The following TMTC2 variants were observed in gnomAD, a reference collection of about 807,000 sequenced individuals.
TMTC2 encodes the protein protein O-mannosyl-transferase TMTC2.
A neutral mutation model predicts 82.4 loss-of-function variants in TMTC2; 43 were observed. The ratio of observed to expected loss-of-function variants is 0.52; its 90% CI spans 0.41 to 0.67. The LOEUF (loss-of-function observed/expected upper bound fraction) is 0.67. Ranked by LOEUF, TMTC2 falls within the 30% of genes least tolerant of loss-of-function variation. TMTC2 has a pLI of 0.00. For synonymous variants in TMTC2, 408 were observed against 381.9 expected (o/e 1.07, Z -0.80); for missense variants, 919 against 1,012.4 (o/e 0.91, Z 1.25).
chr12:83,124,818 G>A lies in TMTC2; in HGVS notation c.2332-7392G>A, dbSNP rs148418522. On this transcript the variant is annotated intron_variant, in intron 11 of 11. Transcript: ENST00000321196. ...TCAAAACCTCTGAAACATGATTTGC[G>A]TTTTAGAAAGACAAATATTAGGTGG... Among the ~76,000 whole-genome samples, 49 of 152,134 alleles carry A rather than the reference G, an allele frequency of 3.2e-4. 2 individuals are homozygous for A. In the Middle Eastern group the frequency reaches 0.014, roughly 42 times the overall value.
At chr12:82,806,857 T>C (rs1056793189) in intron 1 of TMTC2, among the ~76,000 whole-genome samples, 1 of 151,962 alleles carries the variant, frequency 6.6e-6, no homozygotes, top group Non-Finnish European at 1.5e-5. Flanking sequence ...AGAAAATCTG[T>C]ATAAGTGGAT....
At chr12:82,730,234 G>A (rs1188053761) in intron 1 of TMTC2, among the ~76,000 whole-genome samples, 1 of 130,498 alleles carries the variant, frequency 7.7e-6, no homozygotes, top group Non-Finnish European at 1.5e-5. Context: ...GGCAGAGGTT[G>A]CAGTAAGCCA....
intron 1 of TMTC2, chr12:82,758,761 TA>T (rs1876466908): frequency 6.6e-6 from 1 of 152,206 alleles, no homozygotes; most frequent in Admixed American, 6.5e-5. Flanking sequence ...TAACAATAAT[TA>T]AAATCCTAAT....
intron 1 of TMTC2, among the ~76,000 whole-genome samples, chr12:82,796,467 C>G (rs183379358): frequency 1.3e-5 from 2 of 152,182 alleles, no homozygotes; most frequent in Non-Finnish European, 2.9e-5. Flanking sequence ...TATTTACAGT[C>G]TTTTACATGC....
chr12:83,092,041 G>A (rs1007020929), intron 11 of TMTC2, among the ~76,000 whole-genome samples: 4 of 152,166 alleles, frequency 2.6e-5, no homozygotes, highest in African/African-American at 9.7e-5. Context: ...AAGTACCAAT[G>A]TGTACATATC....
chr12:82,940,992 C>T (rs1015986937), intron 4 of TMTC2, among the ~76,000 whole-genome samples: 1 of 151,922 alleles, frequency 6.6e-6, no homozygotes, highest in East Asian at 1.9e-4. Context: ...TTTGTGATAC[C>T]ATGTCCTATA....
intron 2 of TMTC2, among the ~76,000 whole-genome samples, chr12:82,882,988 G>A (rs966094682): frequency 6.7e-6 from 1 of 150,342 alleles, no homozygotes; most frequent in Admixed American, 6.7e-5. Flanking sequence ...CCTGGGAGGC[G>A]GAGGTTGCAA....
At chr12:82,954,067 CT>C (rs1877486600) in intron 4 of TMTC2, among the ~76,000 whole-genome samples, 1 of 151,954 alleles carries the variant, frequency 6.6e-6, no homozygotes, top group South Asian at 2.1e-4. Context: ...GAAACTCATT[CT>C]TGGTAATATA....
intron 9 of TMTC2, among the ~76,000 whole-genome samples, chr12:83,036,478 C>CTT (rs1332894300): frequency 3.6e-4 from 37 of 103,180 alleles, no homozygotes; most frequent in African/African-American, 1.4e-3. Flanking sequence ...GTCCCCGAGT[C>CTT]TTTTTTTTTT....
At chr12:82,873,213 T>TTGTGTGTG (rs35177760) in intron 2 of TMTC2, among the ~76,000 whole-genome samples, 11,235 of 143,492 alleles carry the variant, frequency 0.078, 607 homozygotes, top group African/African-American at 0.15. Context: ...TTCAAAGATG[T>TTGTGTGTG]TGTGTGTGTG....
intron 2 of TMTC2, among the ~76,000 whole-genome samples, chr12:82,885,145 C>T (rs979008270): frequency 1.3e-5 from 2 of 151,696 alleles, no homozygotes; most frequent in African/African-American, 4.8e-5. Flanking sequence ...TCAAGTAATC[C>T]TCCCACCTTG....
chr12:82,713,870 G>C (rs1347099131), intron 1 of TMTC2, among the ~76,000 whole-genome samples: 2 of 152,218 alleles, frequency 1.3e-5, no homozygotes, highest in Non-Finnish European at 2.9e-5. Context: ...CACTGGCTCT[G>C]AAACTTTTGT....
intron 8 of TMTC2, among the ~76,000 whole-genome samples, chr12:82,999,546 A>AT (rs1342393695): frequency 3.3e-5 from 5 of 152,206 alleles, no homozygotes; most frequent in African/African-American, 4.8e-5. Flanking sequence ...ATAGTTCCAC[A>AT]TGGCTGGGGA....
rs189056012 is a variant in TMTC2 at position 82,687,317 on chromosome 12, C to T, written c.-270C>T. ...TGCGCTTCCGCCGGGGGACGCGGAG[C>T]CCAAACGCCGCTCACCGCTTGCGGG... On this transcript the variant is annotated 5_prime_UTR_variant, in exon 1 of 12. Coordinates refer to ENST00000321196, the MANE Select transcript of TMTC2 (RefSeq NM_152588.3). 2 of 529,150 alleles carry T rather than the reference C, an allele frequency of 3.8e-6. No homozygotes were observed. The highest frequency in any genetic ancestry group is 6.8e-6 in the Non-Finnish European group (2 of 292,250). 32.8% of individuals were successfully genotyped at this position (529,150 alleles called of 1,614,324 possible).
At chr12:83,069,087 GTTTA>G (rs1883020290) in intron 11 of TMTC2, among the ~76,000 whole-genome samples, 2 of 152,090 alleles carry the variant, frequency 1.3e-5, no homozygotes, top group South Asian at 4.1e-4. Context: ...ATATACCACA[GTTTA>G]TTTATCCACT....
At chr12:82,760,837 C>A in intron 1 of TMTC2, 1 of 411,516 alleles carries the variant, frequency 2.4e-6, no homozygotes. Context: ...AAATCTAATG[C>A]CTGATCATCT....
chr12:82,743,946 A>G (rs1292036004), intron 1 of TMTC2, among the ~76,000 whole-genome samples: 1 of 152,070 alleles, frequency 6.6e-6, no homozygotes, highest in East Asian at 1.9e-4. Flanking sequence ...GTTGGTTGCT[A>G]TATTTCTAAA....
intron 1 of TMTC2, chr12:82,759,942 GT>G (rs1433231482): frequency 1.3e-5 from 2 of 152,176 alleles, no homozygotes; most frequent in Non-Finnish European, 2.9e-5. Flanking sequence ...TTTTGACAAA[GT>G]TTGGGTTACC....
In TMTC2 at chr12:83,061,842, C is replaced by A; in HGVS notation, c.2331+11C>A. 6.4e-7 allele frequency: 1 copy of A among 1,574,528 alleles called. No individual in the cohort carries two copies. The highest frequency in any genetic ancestry group is 1.2e-5 in the South Asian group (1 of 81,806). On this transcript the variant is annotated intron_variant, in intron 11 of 11. Coordinates refer to ENST00000321196, the MANE Select transcript of TMTC2 (RefSeq NM_152588.3). Reference sequence around the variant, plus strand: ...AGGCTGAGGCCTAATGTAAGTACTTCCCTAATGAGAAACATTTTCAGAGGG... The same window carrying A: ...AGGCTGAGGCCTAATGTAAGTACTTACCTAATGAGAAACATTTTCAGAGGG...
Sources: gnomAD v4.1 joint callset for allele counts (sites outside exome capture counted in the v4.1 genomes callset) on GRCh38, gnomAD v4.1.1 for gene constraint, MANE v1.5 for transcripts, NCBI Gene and HGNC (gene_info 2026-07-23, HGNC 2026-07-21) for gene names.